The following COL5A1 variants were observed in gnomAD, a reference collection of about 807,000 sequenced individuals.
COL5A1 encodes the protein collagen type V alpha 1 chain, also known as collagen alpha-1(V) chain.
A neutral mutation model predicts 263.7 loss-of-function variants in COL5A1; 16 were observed. That is an observed-to-expected ratio of 0.06 (90% CI 0.04 to 0.09). The LOEUF is 0.09. Ranked by LOEUF, COL5A1 falls within the 10% of genes least tolerant of loss-of-function variation. The pLI is 1.00. For missense variants in COL5A1, 2,036 were observed against 2,540.5 expected (o/e 0.80, Z 4.27); for synonymous variants, 1,012 against 1,004.5 (o/e 1.01, Z -0.14).
In COL5A1 at chr9:134,760,672, GCACACCCCCCACACTCATACATGCACACA is replaced by G. The variant is rs1333161932; in HGVS notation, c.1936-1245_1936-1217del. Among the ~76,000 whole-genome samples the G allele has an allele frequency of 5.2e-3, 315 of 60,038 alleles. 4 individuals are homozygous for G. The highest frequency in any genetic ancestry group is 0.024 in the African/African-American group (301 of 12,552). 39.4% of individuals were successfully genotyped at this position (60,038 alleles called of 152,430 possible). ...TCATGCACACACACACACCACACAT[GCACACCCCCCACACTCATACATGCACACA>G]CACACCCACACACCCATACACACAT... On this transcript the variant is annotated intron_variant, in intron 18 of 65. Coordinates refer to ENST00000371817, the MANE Select transcript of COL5A1 (RefSeq NM_000093.5).
chr9:134,837,789 C>T (rs181304688), intron 65 of COL5A1, among the ~76,000 whole-genome samples: 24 of 152,224 alleles, frequency 1.6e-4, no homozygotes, highest in African/African-American at 4.6e-4. Context: ...AAACACTCCC[C>T]ACGTCCGAAT....
chr9:134,769,355 G>A (rs1588528769), intron 25 of COL5A1, among the ~76,000 whole-genome samples: 1 of 152,152 alleles, frequency 6.6e-6, no homozygotes, highest in Admixed American at 6.5e-5. Flanking sequence ...CCCCACGCGC[G>A]CAGCTGTGGG....
chr9:134,694,599 G>C (rs953622537), intron 2 of COL5A1, among the ~76,000 whole-genome samples: 10 of 152,206 alleles, frequency 6.6e-5, no homozygotes, highest in African/African-American at 2.2e-4. Context: ...GGGTTTTCTA[G>C]TCTTGCTGAG....
At chr9:134,697,682 C>T (rs1833528652) in intron 2 of COL5A1, among the ~76,000 whole-genome samples, 1 of 152,112 alleles carries the variant, frequency 6.6e-6, no homozygotes, top group African/African-American at 2.4e-5. Context: ...TGCCATGGTC[C>T]TGCTGGCAGC....
intron 39 of COL5A1, among the ~76,000 whole-genome samples, chr9:134,803,571 G>T (rs1400462928): frequency 2.0e-5 from 3 of 152,100 alleles, no homozygotes; most frequent in Non-Finnish European, 4.4e-5. Context: ...GGAGGCGGAG[G>T]TTGCAGTGTG....
intron 49 of COL5A1, 39 bp from the exon 50 acceptor site, chr9:134,814,758 G>A (rs1383015483): frequency 3.4e-6 from 5 of 1,489,182 alleles, no homozygotes; most frequent in Non-Finnish European, 4.6e-6. Context: ...CGGCGACGTG[G>A]TTGGCTCTGA....
chr9:134,831,338 C>T (rs972274872), intron 64 of COL5A1, among the ~76,000 whole-genome samples: 16 of 152,228 alleles, frequency 1.1e-4, no homozygotes, highest in African/African-American at 2.7e-4. Context: ...CTGTGCTCAC[C>T]GTGGCTGTGT....
intron 1 of COL5A1, among the ~76,000 whole-genome samples, chr9:134,650,138 AC>A (rs1831625023): frequency 6.6e-6 from 1 of 152,228 alleles, no homozygotes. Context: ...TACCTGTGTA[AC>A]AAACCTGTGC....
intron 1 of COL5A1, among the ~76,000 whole-genome samples, chr9:134,672,138 T>C (rs1832556588): frequency 6.6e-6 from 1 of 152,254 alleles, no homozygotes; most frequent in African/African-American, 2.4e-5. Context: ...CAGTTAGATA[T>C]GGAGAGATGT....
At chr9:134,729,947 G>A (rs1834816439) in intron 6 of COL5A1, among the ~76,000 whole-genome samples, 1 of 152,218 alleles carries the variant, frequency 6.6e-6, no homozygotes, top group Admixed American at 6.5e-5. Flanking sequence ...TAAATACTGA[G>A]ATATGATTCA....
intron 4 of COL5A1, among the ~76,000 whole-genome samples, chr9:134,725,359 C>G (rs1834610448): frequency 6.6e-6 from 1 of 152,200 alleles, no homozygotes; most frequent in Non-Finnish European, 1.5e-5. Context: ...GGTGCAGGCT[C>G]TTTACCTTGT....
intron 44 of COL5A1, 157 bp downstream of exon 44, chr9:134,810,465 G>T: frequency 1.5e-6 from 1 of 683,764 alleles, no homozygotes; most frequent in South Asian, 1.8e-5. Flanking sequence ...CCCACAACGT[G>T]TGTGTGTGCA....
intron 4 of COL5A1, chr9:134,708,538 T>G (rs929602145): frequency 1.9e-6 from 1 of 516,210 alleles, no homozygotes; most frequent in African/African-American, 1.9e-5. Context: ...TGGTGCTTTC[T>G]GTAGGATCCA....
Position 134,652,333 on chromosome 9 carries a change from G to A in COL5A1, c.109+10037G>A, listed in dbSNP as rs1302176587. On this transcript the variant is annotated intron_variant, in intron 1 of 65. Coordinates refer to ENST00000371817, the MANE Select transcript of COL5A1 (RefSeq NM_000093.5). This position sits in a 1 kb window ranked among gnomAD's most constrained non-coding sequence, Gnocchi z 4.4. ...GAGCTGGTGACAGCAGGCAGACCCAGTGTAACACGGCTCTGCTGGGTGGGG... is the reference window on the plus strand; with the variant it reads ...GAGCTGGTGACAGCAGGCAGACCCAATGTAACACGGCTCTGCTGGGTGGGG... Among the ~76,000 whole-genome samples, 1 of 146,288 alleles carries A rather than the reference G, an allele frequency of 6.8e-6. No homozygotes were observed. The highest frequency in any genetic ancestry group is 1.5e-5 in the Non-Finnish European group (1 of 66,098).
chr9:134,810,478 C>G, intron 44 of COL5A1, 170 bp downstream of exon 44: 1 of 632,106 alleles, frequency 1.6e-6, no homozygotes, highest in Non-Finnish European at 2.8e-6. Context: ...TGTGTGCACA[C>G]GCGTGCATAT....
Position 134,695,251 on chromosome 9 carries a change from C to T in COL5A1, c.277+4172C>T, listed in dbSNP as rs532498782. ...GTGGAGGCCACGGCTCTGCCCACAC[C>T]CCCCTGCCCCTTGGCCAACACCCTG... is the stretch of plus-strand genomic sequence containing the variant. On this transcript the variant is annotated intron_variant, in intron 2 of 65. Transcript: ENST00000371817. 8.5e-5 allele frequency among the ~76,000 whole-genome samples: 13 copies of T among 152,340 alleles called. No individual in the cohort carries two copies. The East Asian group carries it at 2.5e-3, about 29-fold the overall frequency.
chr9:134,675,452 CCT>C (rs1315919657), intron 1 of COL5A1, among the ~76,000 whole-genome samples: 1 of 152,188 alleles, frequency 6.6e-6, no homozygotes, highest in East Asian at 1.9e-4. Flanking sequence ...TTTGTTCCCC[CCT>C]TTTTCTAGTT....
chr9:134,656,601 G>C (rs928300076), intron 1 of COL5A1, among the ~76,000 whole-genome samples: 2 of 152,106 alleles, frequency 1.3e-5, no homozygotes, highest in East Asian at 1.9e-4. Flanking sequence ...GCAGGACATC[G>C]TCCCGTGCAG....
chr9:134,674,946 A>G (rs1832645906), intron 1 of COL5A1, among the ~76,000 whole-genome samples: 1 of 152,216 alleles, frequency 6.6e-6, no homozygotes, highest in Admixed American at 6.5e-5. Context: ...GACTTAAGCC[A>G]CAAATGCCTT....
Sources: gnomAD v4.1 joint callset for allele counts (sites outside exome capture counted in the v4.1 genomes callset) on GRCh38, gnomAD v4.1.1 for gene constraint, Gnocchi (gnomAD v3.1) non-coding constraint, MANE v1.5 for transcripts, NCBI Gene and HGNC (gene_info 2026-07-23, HGNC 2026-07-21) for gene names.